Variants in SSPN observed in about 807,000 individuals in gnomAD.
SSPN encodes the protein sarcospan, also known as K-ras oncogene-associated protein.
Under a neutral mutation model 19.1 loss-of-function variants are expected in SSPN, and 15 were observed. The observed-to-expected ratio is 0.78, with a 90% CI of 0.52 to 1.21. The LOEUF (loss-of-function observed/expected upper bound fraction) is 1.21. SSPN is among the 50% of genes most tolerant of loss of function. The pLI, the probability that SSPN is intolerant of heterozygous loss-of-function variation, is 0.00. For missense variants in SSPN, 291 were observed against 314.0 expected (o/e 0.93, Z 0.55); for synonymous variants, 147 against 140.3 (o/e 1.05, Z -0.34).
chr12:26,180,506 T>C (rs929236210), intron 1 of SSPN: 2 of 152,230 alleles, frequency 1.3e-5, no homozygotes, highest in Non-Finnish European at 2.9e-5. Flanking sequence ...CACAATCTCA[T>C]GCCACAAAAT....
chr12:26,123,116 C>G (rs759131301), intron 1 of SSPN: 2 of 1,609,652 alleles, frequency 1.2e-6, no homozygotes, highest in South Asian at 2.2e-5. Context: ...TTTGAAATCC[C>G]GAGTGGAACG....
intron 1 of SSPN, among the ~76,000 whole-genome samples, chr12:26,184,969 T>C (rs1944743505): frequency 6.6e-6 from 1 of 152,164 alleles, no homozygotes; most frequent in Non-Finnish European, 1.5e-5. Context: ...CAATAAACAT[T>C]TCACATATCC....
At chr12:26,122,857 CG>C (rs1565664851) in intron 1 of SSPN, 1 of 1,569,652 alleles carries the variant, frequency 6.4e-7, no homozygotes. Flanking sequence ...CGCTGGATGA[CG>C]GGCACGCAGT....
rs114234342 is a variant in SSPN, at chr12:26,229,976, A to G, written c.367-735A>G. On this transcript the variant is annotated intron_variant, in intron 2 of 2. Coordinates refer to ENST00000242729, the MANE Select transcript of SSPN (RefSeq NM_005086.5). The stretch of plus-strand genomic sequence containing the variant: ...CGAGAACTTTAACCAGACTTTTTCA[A>G]TCCCAAAGCTAATCTGGAGGCCAAC... Among the ~76,000 whole-genome samples, 624 of 152,278 alleles carry G rather than the reference A, an allele frequency of 4.1e-3. 5 individuals carry two copies. Among genetic ancestry groups the G allele is most frequent in the African/African-American group, 0.015 (606 of 41,534 alleles).
intron 1 of SSPN, among the ~76,000 whole-genome samples, chr12:26,148,588 T>C (rs1944507111): frequency 6.6e-6 from 1 of 152,220 alleles, no homozygotes; most frequent in Non-Finnish European, 1.5e-5. Flanking sequence ...TTTGGCATCT[T>C]GCATTCTATA....
intron 1 of SSPN, among the ~76,000 whole-genome samples, chr12:26,131,388 C>G (rs138168055): frequency 6.6e-6 from 1 of 152,226 alleles, no homozygotes; most frequent in Non-Finnish European, 1.5e-5. Context: ...TGTCTTTTTA[C>G]GTAGCAGACC....
At chr12:26,164,266 A>T (rs969535952) in intron 1 of SSPN, among the ~76,000 whole-genome samples, 3 of 152,336 alleles carry the variant, frequency 2.0e-5, no homozygotes, top group Non-Finnish European at 4.4e-5. Flanking sequence ...GATTCTCAGG[A>T]TCCTTCCCAA....
intron 1 of SSPN, among the ~76,000 whole-genome samples, chr12:26,221,109 A>G (rs1247014170): frequency 6.6e-6 from 1 of 152,126 alleles, no homozygotes; most frequent in Non-Finnish European, 1.5e-5. Flanking sequence ...CTGCAAACAC[A>G]TCTTTTGCCT....
chr12:26,198,638 G>C (rs1488607208), intron 1 of SSPN, among the ~76,000 whole-genome samples: 1 of 152,136 alleles, frequency 6.6e-6, no homozygotes, highest in Non-Finnish European at 1.5e-5. Context: ...TTTTTGACTC[G>C]CTACATTTCC....
Position 26,195,801 on chromosome 12 carries a change from G to C in SSPN, c.129G>C (p.Glu43Asp), listed in dbSNP as rs1278356377. 1 of 1,533,330 alleles carries C rather than the reference G, an allele frequency of 6.5e-7. No homozygotes were observed. The highest frequency in any genetic ancestry group is 8.7e-7 in the Non-Finnish European group (1 of 1,142,906). The allele number at this position is 1,533,330 out of a possible 1,614,324, so 95.0% of individuals were successfully genotyped here. ...CCCCCAAGGAGTGCGGGGAGGAGGA[G>C]CCCCGGACCTGCTGCGGCTGCCGGT... ...TGAPKECGEE[E>D]PRTCCGCRFP... The change falls in exon 1 of 3, where the codon GAG becomes GAC. Residue 43 changes from glutamate (E) to aspartate (D), a missense_variant. Coordinates refer to ENST00000242729, the MANE Select transcript of SSPN (RefSeq NM_005086.5).
intron 1 of SSPN, among the ~76,000 whole-genome samples, chr12:26,160,900 G>A (rs1399963457): frequency 6.6e-6 from 1 of 152,046 alleles, no homozygotes; most frequent in Non-Finnish European, 1.5e-5. Context: ...TTGAGGTCAG[G>A]AGTTCGAGAC....
chr12:26,125,868 T>G (rs1303820622), intron 1 of SSPN: 1 of 152,092 alleles, frequency 6.6e-6, no homozygotes, highest in African/African-American at 2.4e-5. Context: ...TATGCAGCAT[T>G]TATCACCCGC....
At chr12:26,198,554 G>A (rs917319228) in intron 1 of SSPN, among the ~76,000 whole-genome samples, 2 of 152,214 alleles carry the variant, frequency 1.3e-5, no homozygotes, top group South Asian at 2.1e-4. Context: ...AGCTGCTTGG[G>A]AAGCAGTCAC....
At chr12:26,156,005 G>A (rs1018230745) in intron 1 of SSPN, among the ~76,000 whole-genome samples, 3 of 152,178 alleles carry the variant, frequency 2.0e-5, no homozygotes, top group Admixed American at 2.0e-4. Context: ...AAGATTGGGA[G>A]GGGATTGAGA....
chr12:26,168,139 G>A (rs879827336), intron 1 of SSPN, among the ~76,000 whole-genome samples: 1 of 151,684 alleles, frequency 6.6e-6, no homozygotes, highest in African/African-American at 2.4e-5. Context: ...CTTGAGCCAG[G>A]GAGGTTGAGT....
At chr12:26,159,618 C>T (rs1944575918) in intron 1 of SSPN, among the ~76,000 whole-genome samples, 1 of 152,178 alleles carries the variant, frequency 6.6e-6, no homozygotes, top group Non-Finnish European at 1.5e-5. Context: ...ATTCAATCTG[C>T]ACCCATTCAT....
rs146502190 is a variant in SSPN, at chr12:26,135,195, A to T, written c.-31+13043A>T. Among the ~76,000 whole-genome samples, 645 of 152,226 alleles carry T rather than the reference A, an allele frequency of 4.2e-3. 5 individuals are homozygous for T. The highest frequency in any genetic ancestry group is 0.013 in the African/African-American group (529 of 41,528). Reference sequence around the variant, plus strand: ...CCAGGGCATGGCTCTCAGAGGCCAGAAGTAGGGAGGGGCGCAGAGTTTGGC... The same window carrying T: ...CCAGGGCATGGCTCTCAGAGGCCAGTAGTAGGGAGGGGCGCAGAGTTTGGC... On this transcript the variant is annotated intron_variant, in intron 1 of 2. Transcript: ENST00000538142.
chr12:26,151,702 G>T (rs1944526504), intron 1 of SSPN, among the ~76,000 whole-genome samples: 1 of 152,112 alleles, frequency 6.6e-6, no homozygotes, highest in Admixed American at 6.5e-5. Context: ...ATGCATAAAG[G>T]TTACCGTGGT....
At chr12:26,161,854 T>C (rs537573736) in intron 1 of SSPN, among the ~76,000 whole-genome samples, 12 of 152,334 alleles carry the variant, frequency 7.9e-5, no homozygotes, top group African/African-American at 2.6e-4. Context: ...CATGGTCCTA[T>C]GAGAATCTAA....
Sources: gnomAD v4.1 joint callset for allele counts (sites outside exome capture counted in the v4.1 genomes callset) on GRCh38, gnomAD v4.1.1 for gene constraint, MANE v1.5 for transcripts, NCBI Gene and HGNC (gene_info 2026-07-23, HGNC 2026-07-21) for gene names.